Variants in MAST4 observed in about 807,000 individuals in gnomAD.
The protein encoded by MAST4 is microtubule associated serine/threonine kinase family member 4, also known as microtubule-associated serine/threonine-protein kinase 4.
Under a neutral mutation model 162.7 loss-of-function variants are expected in MAST4, and 89 were observed. The ratio of observed to expected loss-of-function variants is 0.55; its 90% CI spans 0.46 to 0.65. The LOEUF is 0.65. MAST4 is among the 30% of genes least tolerant of loss of function. The pLI, the probability that MAST4 is intolerant of heterozygous loss-of-function variation, is 0.00. For missense variants in MAST4, 3,153 were observed against 3,374.0 expected (o/e 0.93, Z 1.62); for synonymous variants, 1,479 against 1,361.1 (o/e 1.09, Z -1.91).
chr5:67,078,926 A>ATTT (rs1561622344), intron 5 of MAST4, among the ~76,000 whole-genome samples: 1 of 87,752 alleles, frequency 1.1e-5, no homozygotes, highest in Admixed American at 1.5e-4. Context: ...ATATATATAT[A>ATTT]TATATATATA....
intron 3 of MAST4, among the ~76,000 whole-genome samples, chr5:66,808,182 G>T (rs1178557808): frequency 3.3e-5 from 5 of 152,210 alleles, no homozygotes; most frequent in African/African-American, 1.2e-4. Context: ...GCGGAATTTT[G>T]TGGGAAGAGC....
At chr5:66,906,094 CCTG>C (rs1234891674) in intron 4 of MAST4, among the ~76,000 whole-genome samples, 5 of 152,134 alleles carry the variant, frequency 3.3e-5, no homozygotes, top group African/African-American at 1.2e-4. Context: ...TCTTTCAGGG[CCTG>C]CTATCTGTCA....
chr5:66,953,860 C>T (rs1744983780), intron 4 of MAST4, among the ~76,000 whole-genome samples: 1 of 152,162 alleles, frequency 6.6e-6, no homozygotes, highest in East Asian at 1.9e-4. Flanking sequence ...GCATCCCTGG[C>T]CTCTACTCAC....
intron 6 of MAST4, chr5:67,094,189 A>G: frequency 1.4e-6 from 2 of 1,466,998 alleles, no homozygotes; most frequent in East Asian, 2.3e-5. Context: ...AAATCTTAAC[A>G]TTGTAGTAGT....
At chr5:66,911,283 GA>G (rs555011038) in intron 4 of MAST4, among the ~76,000 whole-genome samples, 156 of 152,306 alleles carry the variant, frequency 1.0e-3, no homozygotes, top group African/African-American at 3.6e-3. Flanking sequence ...TGCATGAGAG[GA>G]AAAAGTTTTA....
chr5:67,091,097 T>TC, intron 6 of MAST4, among the ~76,000 whole-genome samples: 1 of 152,278 alleles, frequency 6.6e-6, no homozygotes, highest in Non-Finnish European at 1.5e-5. Flanking sequence ...CTAAAGTGGA[T>TC]TAAAGTAGGA....
At chr5:67,154,964 A>G (rs1407003399) in intron 26 of MAST4, among the ~76,000 whole-genome samples, 1 of 152,188 alleles carries the variant, frequency 6.6e-6, no homozygotes. Flanking sequence ...AGTTGGCTGT[A>G]TTATGGTACT....
intron 4 of MAST4, among the ~76,000 whole-genome samples, chr5:66,981,657 C>G (rs1748854597): frequency 6.6e-6 from 1 of 152,184 alleles, no homozygotes; most frequent in Admixed American, 6.5e-5. Flanking sequence ...ACATGAATTT[C>G]ATAGCCCTAT....
chr5:66,871,737 A>G (rs1206594145), intron 3 of MAST4, among the ~76,000 whole-genome samples: 1 of 152,196 alleles, frequency 6.6e-6, no homozygotes, highest in Non-Finnish European at 1.5e-5. Context: ...CAACGTGTCA[A>G]CTTTCGAGAG....
chr5:67,166,938 C>G lies in MAST4; in HGVS notation c.7759C>G (p.Pro2587Ala), dbSNP rs756165127. The part of the protein sequence containing the change: ...NVGRDVTKPS[P>A]APNTDRPISL... ...GGGCAGAGACGTGACCAAGCCATCC[C>G]CAGCCCCAAACACTGACCGCCCCAT... The change falls in exon 29 of 29, where the codon CCA (proline) becomes GCA (alanine). Residue 2587 changes from proline (P) to alanine (A), a missense_variant. By Grantham distance (27) the Pro-to-Ala change is conservative. Transcript: ENST00000403625. 6.2e-7 allele frequency: 1 copy of G among 1,612,276 alleles called. No individual in the cohort carries two copies. Among genetic ancestry groups the G allele is most frequent in the Non-Finnish European group, 8.5e-7 (1 of 1,179,566 alleles).
intron 3 of MAST4, among the ~76,000 whole-genome samples, chr5:66,869,289 T>C (rs543802028): frequency 2.9e-4 from 44 of 152,308 alleles, no homozygotes; most frequent in Non-Finnish European, 5.6e-4. Context: ...CATGATGCTG[T>C]TTTTCAAACA....
intron 3 of MAST4, 43 bp from the exon 4 acceptor site, chr5:66,899,908 T>A (rs1762901636): frequency 1.4e-6 from 2 of 1,461,354 alleles, no homozygotes; most frequent in Non-Finnish European, 1.8e-6. Context: ...TAATCTAAGG[T>A]TAATGCAGCA....
intron 27 of MAST4, 57 bp from the exon 28 acceptor site, chr5:67,162,550 G>A: frequency 6.6e-7 from 1 of 1,519,824 alleles, no homozygotes; most frequent in African/African-American, 1.4e-5. Flanking sequence ...TGGTATTTTG[G>A]GGAGGCAGCA....
intron 1 of MAST4, among the ~76,000 whole-genome samples, chr5:66,751,563 A>G (rs1014402230): frequency 5.3e-5 from 8 of 152,216 alleles, no homozygotes; most frequent in Admixed American, 3.3e-4. Flanking sequence ...GATGAAATGA[A>G]TGAAATGAAG....
intron 3 of MAST4, among the ~76,000 whole-genome samples, chr5:66,811,902 G>T (rs1404212834): frequency 1.3e-5 from 2 of 152,282 alleles, no homozygotes; most frequent in Non-Finnish European, 2.9e-5. Context: ...GTGACTTTAG[G>T]AATCAATACT....
intron 3 of MAST4, among the ~76,000 whole-genome samples, chr5:66,808,356 C>T (rs879389023): frequency 2.0e-5 from 3 of 152,276 alleles, no homozygotes; most frequent in Admixed American, 6.5e-5. Context: ...CTCTGGCTTG[C>T]GAAGCTCTGT....
rs768465840 is a variant in MAST4 at position 67,145,398 on chromosome 5, T to G, written c.3094+19T>G. ...CTGTCAGGTAAGCCCCGGGCCATAGTGCCTGCTGTCCTCCTCACCACACTA... is the reference window on the plus strand; with the variant it reads ...CTGTCAGGTAAGCCCCGGGCCATAGGGCCTGCTGTCCTCCTCACCACACTA... On this transcript the variant is annotated intron_variant, in intron 23 of 28. Transcript: ENST00000403625. 3.1e-6 allele frequency: 5 copies of G among 1,603,366 alleles called. No homozygotes were observed. The Admixed American group carries it at 6.7e-5, about 21-fold the overall frequency.
At chr5:66,665,220 G>A (rs1253241772) in intron 1 of MAST4, among the ~76,000 whole-genome samples, 7 of 137,332 alleles carry the variant, frequency 5.1e-5, no homozygotes, top group African/African-American at 1.6e-4. Context: ...GTCTTTGATT[G>A]TTTGTTTCTT....
At chr5:66,907,587 C>CGTGTGTGT (rs59273615) in intron 4 of MAST4, among the ~76,000 whole-genome samples, 40 of 144,236 alleles carry the variant, frequency 2.8e-4, no homozygotes, top group East Asian at 2.1e-3. Flanking sequence ...TAGGTTGATG[C>CGTGTGTGT]GTGTGTGTGT....
Sources: gnomAD v4.1 joint callset for allele counts (sites outside exome capture counted in the v4.1 genomes callset) on GRCh38, gnomAD v4.1.1 for gene constraint, MANE v1.5 for transcripts, NCBI Gene and HGNC (gene_info 2026-07-23, HGNC 2026-07-21) for gene names.